The following ATP13A1 variants were observed in gnomAD, a reference collection of about 807,000 sequenced individuals.
The protein encoded by ATP13A1 is ATPase 13A1.
In ATP13A1, 55 loss-of-function variants were observed where a neutral mutation model predicts 134.8. That is an observed-to-expected ratio of 0.41 (90% confidence interval 0.33 to 0.51). ATP13A1 has a LOEUF of 0.51. Among genes scored for constraint, ATP13A1 ranks in the 20% least tolerant of loss-of-function variants. The pLI is 0.29. For synonymous variants in ATP13A1, 775 were observed against 725.1 expected (o/e 1.07, Z -1.10); for missense variants, 1,389 against 1,652.8 (o/e 0.84, Z 2.77).
Position 19,656,094 on chromosome 19 carries a change from C to T in ATP13A1, c.1173G>A (p.Val391=), listed in dbSNP as rs759727898. The T allele has an allele frequency of 6.2e-7, 1 of 1,613,722 alleles. No homozygotes were observed. The highest frequency in any genetic ancestry group is 1.1e-5 in the South Asian group (1 of 91,070). Residue 391 remains valine (V), a synonymous_variant, in exon 8 of 26, where the codon GTG becomes GTA. Transcript: ENST00000357324. This position sits in a 1 kb window ranked among gnomAD's most constrained non-coding sequence, Gnocchi z 4.6. ...LHVIFGGTKV[V]QHIPPQKATT... ...TGGCTTTCTGTGGGGGGATGTGCTGCACCACCTTGGTGCCCCCGAAGATGA... is the reference window on the plus strand; with the variant it reads ...TGGCTTTCTGTGGGGGGATGTGCTGTACCACCTTGGTGCCCCCGAAGATGA...
In ATP13A1 at chr19:19,647,895, G is replaced by A. The variant is rs2061996922; in HGVS notation, c.2633-136C>T. The stretch of plus-strand genomic sequence containing the variant: ...GTTCCCAGACTTCCCCATTTCACCT[G>A]ACACCCTAAGGAGACCTCAGAGAGT... On this transcript the variant is annotated intron_variant, in intron 19 of 25. Coordinates refer to ENST00000357324, the MANE Select transcript of ATP13A1 (RefSeq NM_020410.3). This position sits in a 1 kb window ranked among gnomAD's most constrained non-coding sequence, Gnocchi z 4.8. The A allele has an allele frequency of 8.6e-7, 1 of 1,162,416 alleles. No individual in the cohort carries two copies. The highest frequency in any genetic ancestry group is 3.0e-4 in the Middle Eastern group (1 of 3,384). 72.0% of individuals were successfully genotyped at this position (1,162,416 alleles called of 1,614,324 possible). A position where few individuals can be genotyped will look rare whatever the true frequency, so the allele number is the denominator to read the frequency against.
chr19:19,662,550 A>C (rs1233856358), intron 1 of ATP13A1, among the ~76,000 whole-genome samples: 1 of 152,102 alleles, frequency 6.6e-6, no homozygotes, highest in African/African-American at 2.4e-5. Context: ...AGGCCCAGGG[A>C]AGCTCACAGT....
chr19:19,650,214 C>T (rs2062015317), intron 17 of ATP13A1: 1 of 553,422 alleles, frequency 1.8e-6, no homozygotes, highest in South Asian at 2.2e-5. Context: ...CCCAGCTAAG[C>T]CATGCCCCCA....
In ATP13A1 at chr19:19,655,364, C is replaced by T. The variant is rs769131376; in HGVS notation, c.1486G>A (p.Glu496Lys). 1.2e-5 allele frequency: 20 copies of T among 1,613,926 alleles called. No individual in the cohort carries two copies. Among genetic ancestry groups the T allele is most frequent in the Non-Finnish European group, 1.4e-5 (16 of 1,179,880 alleles). The change falls in exon 11 of 26, where the codon GAG (glutamate) becomes AAG (lysine). Residue 496 changes from glutamate (E) to lysine (K), a missense_variant. Glu to Lys is a moderately conservative substitution (Grantham distance 56). Coordinates refer to ENST00000357324, the MANE Select transcript of ATP13A1 (RefSeq NM_020410.3). This position sits in a 1 kb window ranked among gnomAD's most constrained non-coding sequence, Gnocchi z 5.7. ...TSVVPPELPI[E>K]LSLAVNTSLI... Reference sequence around the variant, plus strand: ...GAGGTGTTGACGGCCAGGGACAGCTCGATGGGCAGCTCAGGAGGCACGACC... The same window carrying T: ...GAGGTGTTGACGGCCAGGGACAGCTTGATGGGCAGCTCAGGAGGCACGACC...
chr19:19,646,851 C>A (rs1002608142), intron 22 of ATP13A1: 13 of 492,268 alleles, frequency 2.6e-5, no homozygotes, highest in African/African-American at 2.5e-4. Flanking sequence ...TGTTTTTTTA[C>A]CCTCTTGATG....
At chr19:19,646,765 G>A (rs2061988813) in intron 22 of ATP13A1, 1 of 380,578 alleles carries the variant, frequency 2.6e-6, no homozygotes. Flanking sequence ...TTTACGCCTT[G>A]GCCTGAGTGT....
Position 19,655,008 on chromosome 19 carries a change from G to A in ATP13A1, c.1655+111C>T. 6.8e-7 allele frequency: 1 copy of A among 1,476,400 alleles called. No homozygotes were observed. Among genetic ancestry groups the A allele is most frequent in the Non-Finnish European group, 9.0e-7 (1 of 1,107,276 alleles). The allele number at this position is 1,476,400 out of a possible 1,614,324, so 91.5% of individuals were successfully genotyped here. On this transcript the variant is annotated intron_variant, in intron 12 of 25. Transcript: ENST00000357324. This position sits in a 1 kb window ranked among gnomAD's most constrained non-coding sequence, Gnocchi z 5.7. ...GCCCCTGGAAATGAACCCGAGGCAG[G>A]GCCTCTGACGGGCCCTCACTGCAAG... is the stretch of plus-strand genomic sequence containing the variant.
rs746805438 is a variant in ATP13A1 at position 19,655,867 on chromosome 19, T to C, written c.1269+11A>G. ...CCCTGGGGCCCGCCCTCCCCAGACC[T>C]GGCCCCGCACCTGGGATGTGTTGAA... On this transcript the variant is annotated intron_variant, in intron 9 of 25. Transcript: ENST00000357324. This position sits in a 1 kb window ranked among gnomAD's most constrained non-coding sequence, Gnocchi z 5.7. 8.9e-6 allele frequency: 14 copies of C among 1,576,498 alleles called. No individual in the cohort carries two copies. Among genetic ancestry groups the C allele is most frequent in the Middle Eastern group, 3.3e-4 (2 of 5,990 alleles).
Position 19,647,849 on chromosome 19 carries a change from C to T in ATP13A1, c.2633-90G>A. ...CAGAGCCACTGGTCCTGAAGTCCCC[C>T]AGCTGGCTCCCGTGAGGACAGTTCC... is the stretch of plus-strand genomic sequence containing the variant. On this transcript the variant is annotated intron_variant, in intron 19 of 25. Transcript: ENST00000357324. The surrounding 1 kb of genome is among the most constrained non-coding windows in gnomAD (Gnocchi z 4.8). 6.9e-7 allele frequency: 1 copy of T among 1,456,180 alleles called. No individual in the cohort carries two copies. Among genetic ancestry groups the T allele is most frequent in the East Asian group, 2.5e-5 (1 of 40,292 alleles). 90.2% of individuals were successfully genotyped at this position (1,456,180 alleles called of 1,614,324 possible).
At chr19:19,646,147 G>C in intron 23 of ATP13A1, 58 bp downstream of exon 23, 1 of 1,610,146 alleles carries the variant, frequency 6.2e-7, no homozygotes, top group Non-Finnish European at 8.5e-7. Context: ...AGTCTGTGGA[G>C]TCATCCTCCT....
At chr19:19,646,982 G>T in intron 22 of ATP13A1, 147 bp downstream of exon 22, 2 of 902,500 alleles carry the variant, frequency 2.2e-6, no homozygotes, top group Non-Finnish European at 3.3e-6. Context: ...CACCTGCCCT[G>T]CCAGCATTTC....
chr19:19,655,519 G>A lies in ATP13A1; in HGVS notation c.1396+9C>T. ...GGGCGCAGGGGACCACAGAGGCCGT[G>A]GCGCTTACCTTCAATCCATACATAG... On this transcript the variant is annotated intron_variant, in intron 10 of 25. Transcript: ENST00000357324. This position sits in a 1 kb window ranked among gnomAD's most constrained non-coding sequence, Gnocchi z 5.7. 1.2e-6 allele frequency: 2 copies of A among 1,614,000 alleles called. No homozygotes were observed. The highest frequency in any genetic ancestry group is 1.7e-6 in the Non-Finnish European group (2 of 1,179,884).
intron 12 of ATP13A1, 130 bp downstream of exon 12, chr19:19,654,989 G>A: frequency 7.1e-7 from 1 of 1,412,162 alleles, no homozygotes; most frequent in Non-Finnish European, 9.4e-7. Context: ...GGGAGCCCCT[G>A]GAAATGAACC....
In ATP13A1 at chr19:19,647,564, G is replaced by A. The variant is rs896936669; in HGVS notation, c.2793+35C>T. The A allele has an allele frequency of 3.1e-6, 5 of 1,612,786 alleles. No individual in the cohort carries two copies. The highest frequency in any genetic ancestry group is 1.7e-4 in the Middle Eastern group (1 of 6,050). On this transcript the variant is annotated intron_variant, in intron 20 of 25. Transcript: ENST00000357324. The surrounding 1 kb of genome is among the most constrained non-coding windows in gnomAD (Gnocchi z 4.8). Reference sequence around the variant, plus strand: ...GACAGCAGGCTGTCAGCCCTGGCCAGGATGGGGTGCAGCACCTCCCCTCTT... The same window carrying A: ...GACAGCAGGCTGTCAGCCCTGGCCAAGATGGGGTGCAGCACCTCCCCTCTT...
chr19:19,654,216 C>A, intron 13 of ATP13A1, 72 bp from the exon 14 acceptor site: 1 of 1,430,722 alleles, frequency 7.0e-7, no homozygotes. Context: ...CCTCTCACCC[C>A]GGCCTCCCCC....
At chr19:19,654,228 CCTCCCTCCTGCCTCCCCCAG>C in intron 13 of ATP13A1, 84 bp from the exon 14 acceptor site, 1 of 1,370,658 alleles carries the variant, frequency 7.3e-7, no homozygotes, top group Non-Finnish European at 9.9e-7. Context: ...GCCTCCCCCA[CCTCCCTCCTGCCTCCCCCAG>C]GGCCTGATCG....
In ATP13A1 at chr19:19,647,699, T is replaced by G; in HGVS notation, c.2693A>C (p.Asp898Ala). ...RVVERRRRPR[D>A]SPTLSNSGIR... ...GCCACTGTTGCTCAGGGTTGGGCTG[T>G]CCCGGGGCCGCCGTCGCCGCTCGAC... The change falls in exon 20 of 26, where the codon GAC becomes GCC. Residue 898 changes from aspartate to alanine, a missense_variant. Transcript: ENST00000357324. The surrounding 1 kb of genome is among the most constrained non-coding windows in gnomAD (Gnocchi z 4.8). 1.2e-6 allele frequency: 2 copies of G among 1,611,100 alleles called. No individual in the cohort carries two copies. The highest frequency in any genetic ancestry group is 1.7e-6 in the Non-Finnish European group (2 of 1,179,626).
At position 19,659,905 on chromosome 19, in the gene ATP13A1, C is replaced by T. The variant is rs201817525; in HGVS notation, c.479G>A (p.Arg160His). The change falls in exon 2 of 26, where the codon CGC (arginine) becomes CAC (histidine). Residue 160 changes from arginine (R) to histidine (H), a missense_variant. Physicochemically the swap from Arg to His is conservative, Grantham distance 29. Coordinates refer to ENST00000357324, the MANE Select transcript of ATP13A1 (RefSeq NM_020410.3). Reference sequence around the variant, plus strand: ...CCAGCAGGCAGTCCCTACCTCATTGCGGTGCAGGGCCACGAGCTCCGTGGA... The same window carrying T: ...CCAGCAGGCAGTCCCTACCTCATTGTGGTGCAGGGCCACGAGCTCCGTGGA... ...NGSTELVALH[R>H]NEGEDGLEVL... The T allele has an allele frequency of 2.5e-5, 39 of 1,587,186 alleles. No homozygotes were observed. The highest frequency in any genetic ancestry group is 3.8e-5 in the Admixed American group (2 of 53,264).
In ATP13A1 at chr19:19,655,792, G is replaced by C; in HGVS notation, c.1269+86C>G. 3 of 1,535,614 alleles carry C rather than the reference G, an allele frequency of 2.0e-6. No individual in the cohort carries two copies. Among genetic ancestry groups the C allele is most frequent in the Non-Finnish European group, 2.6e-6 (3 of 1,142,012 alleles). Reference sequence around the variant, plus strand: ...GCCGTGCTGCCAGAGTCAGCCCGTGGGGCAGATGTTCTGGGGTCGGAAAGG... The same window carrying C: ...GCCGTGCTGCCAGAGTCAGCCCGTGCGGCAGATGTTCTGGGGTCGGAAAGG... On this transcript the variant is annotated intron_variant, in intron 9 of 25. Transcript: ENST00000357324. This position sits in a 1 kb window ranked among gnomAD's most constrained non-coding sequence, Gnocchi z 5.7.
Sources: allele counts gnomAD v4.1 joint callset (sites outside exome capture counted in the v4.1 genomes callset), GRCh38; gene constraint gnomAD v4.1.1; non-coding constraint Gnocchi (gnomAD v3.1); transcripts MANE v1.5; gene names NCBI Gene and HGNC (gene_info 2026-07-23, HGNC 2026-07-21).